The following NTM variants were observed in gnomAD, a reference collection of about 807,000 sequenced individuals.
NTM encodes the protein IgLON family member 2.
A neutral mutation model predicts 42.1 loss-of-function variants in NTM; 13 were observed. The observed-to-expected ratio is 0.31, with a 90% CI of 0.20 to 0.49. NTM has a LOEUF of 0.49. Among genes scored for constraint, NTM ranks in the 20% least tolerant of loss-of-function variants. The probability of loss-of-function intolerance (pLI) is 0.99; values close to 1 mark genes in which losing one functional copy is unlikely to be tolerated. For synonymous variants in NTM, 187 were observed against 179.2 expected, an observed-to-expected ratio of 1.04 and a Z score of -0.35; for missense variants, 373 against 452.8, an observed-to-expected ratio of 0.82 and a Z score of 1.60.
intron 1 of NTM, among the ~76,000 whole-genome samples, chr11:131,738,696 T>A (rs1156988663): frequency 6.6e-6 from 1 of 152,230 alleles, no homozygotes; most frequent in East Asian, 1.9e-4. Context: ...CAGGTGGACA[T>A]CTATGCTTTG....
In NTM at chr11:131,473,309, C is replaced by T. The variant is rs7952407; in HGVS notation, c.82+102421C>T. Among the ~76,000 whole-genome samples, 696 of 152,154 alleles carry T rather than the reference C, an allele frequency of 4.6e-3. 4 individuals are homozygous for T. Among genetic ancestry groups the T allele is most frequent in the African/African-American group, 0.016 (669 of 41,520 alleles). ...AGCTCCATGTCCAAACACAAATCTC[C>T]CATGCTTTGACAACTGCTCCAAGAG... On this transcript the variant is annotated intron_variant, in intron 1 of 8. Coordinates refer to ENST00000683400, the MANE Select transcript of NTM (RefSeq NM_001352005.2).
At chr11:131,807,683 C>T (rs1273440901) in intron 1 of NTM, among the ~76,000 whole-genome samples, 1 of 152,138 alleles carries the variant, frequency 6.6e-6, no homozygotes, top group African/African-American at 2.4e-5. Flanking sequence ...ACACAGAAGG[C>T]AAGTCTCACC....
chr11:132,003,771 C>A lies in NTM; in HGVS notation c.167+92123C>A, dbSNP rs1280678791. Among the ~76,000 whole-genome samples, 3 of 152,180 alleles carry A rather than the reference C, an allele frequency of 2.0e-5. No homozygotes were observed. In the East Asian group the frequency reaches 5.8e-4, roughly 29 times the overall value. ...CTCCTTGGAATCTACACAGAGAAAT[C>A]CCTGAGCTTTACTTTTTCTGGACCT... is the stretch of plus-strand genomic sequence containing the variant. On this transcript the variant is annotated intron_variant, in intron 2 of 8. Transcript: ENST00000683400. This position sits in a 1 kb window ranked among gnomAD's most constrained non-coding sequence, Gnocchi z 6.0.
At chr11:132,069,262 C>A (rs2057018624) in intron 2 of NTM, among the ~76,000 whole-genome samples, 1 of 149,828 alleles carries the variant, frequency 6.7e-6, no homozygotes, top group East Asian at 2.0e-4. Flanking sequence ...CACTGACCAT[C>A]ACAGATTAGT....
chr11:131,763,737 G>A (rs1483223937), intron 1 of NTM, among the ~76,000 whole-genome samples: 2 of 47,970 alleles, frequency 4.2e-5, no homozygotes, highest in Non-Finnish European at 8.8e-5. Flanking sequence ...TTTTTTTTTG[G>A]CATTGCTTAA....
At chr11:131,375,467 G>A (rs993424571) in intron 1 of NTM, among the ~76,000 whole-genome samples, 1 of 152,190 alleles carries the variant, frequency 6.6e-6, no homozygotes, top group Non-Finnish European at 1.5e-5. Context: ...AGGGTCAAAG[G>A]GTACCATCCT....
chr11:131,920,536 A>G (rs2057068961), intron 2 of NTM, among the ~76,000 whole-genome samples: 1 of 152,250 alleles, frequency 6.6e-6, no homozygotes, highest in Admixed American at 6.5e-5. Context: ...GTTTAAATGT[A>G]GTGAACTATG....
At chr11:131,567,700 G>A (rs1053907900) in intron 1 of NTM, among the ~76,000 whole-genome samples, 2 of 152,198 alleles carry the variant, frequency 1.3e-5, no homozygotes, top group Non-Finnish European at 2.9e-5. Context: ...GGAAGTATGA[G>A]CCTGCATCAG....
At chr11:132,070,899 C>A (rs1472230523) in intron 2 of NTM, among the ~76,000 whole-genome samples, 352 of 101,034 alleles carry the variant, frequency 3.5e-3, no homozygotes, top group Non-Finnish European at 5.0e-3. Context: ...TAACACGTCA[C>A]ACTGACCGTC....
chr11:132,056,443 T>A (rs1360699528), intron 2 of NTM, among the ~76,000 whole-genome samples: 1 of 152,232 alleles, frequency 6.6e-6, no homozygotes, highest in Non-Finnish European at 1.5e-5. Flanking sequence ...GCATAGATCA[T>A]CTGCCATATC....
chr11:131,862,095 T>C (rs2046695760), intron 1 of NTM, among the ~76,000 whole-genome samples: 1 of 152,178 alleles, frequency 6.6e-6, no homozygotes. Context: ...AGGATCTTTG[T>C]GGGCAGAGCA....
chr11:132,091,721 G>T (rs4937671), intron 2 of NTM, among the ~76,000 whole-genome samples: 1 of 151,758 alleles, frequency 6.6e-6, no homozygotes, highest in African/African-American at 2.4e-5. Flanking sequence ...GGCTCAAGCA[G>T]TCCTCCTGCC....
At chr11:132,230,586 C>T (rs527257232) in intron 4 of NTM, among the ~76,000 whole-genome samples, 140 of 152,362 alleles carry the variant, frequency 9.2e-4, no homozygotes, top group Non-Finnish European at 1.8e-3. Context: ...TCCAAGCAGC[C>T]GCGCCTTGCG....
chr11:131,842,953 G>A (rs1386262065), intron 1 of NTM, among the ~76,000 whole-genome samples: 1 of 152,120 alleles, frequency 6.6e-6, no homozygotes, highest in Non-Finnish European at 1.5e-5. Context: ...AGGGGTTACA[G>A]TGAGCCAAGA....
intron 1 of NTM, among the ~76,000 whole-genome samples, chr11:131,607,322 T>C (rs2061054888): frequency 6.6e-6 from 1 of 152,218 alleles, no homozygotes; most frequent in Non-Finnish European, 1.5e-5. Context: ...CCCATGCCTC[T>C]CTGCTGTTTT....
chr11:131,668,877 GTTA>G (rs2069587565), intron 1 of NTM, among the ~76,000 whole-genome samples: 1 of 152,170 alleles, frequency 6.6e-6, no homozygotes, highest in Admixed American at 6.5e-5. Context: ...ATCTATCCCA[GTTA>G]TTATGAGGCA....
At chr11:132,070,229 A>G (rs1226302786) in intron 2 of NTM, among the ~76,000 whole-genome samples, 2 of 127,890 alleles carry the variant, frequency 1.6e-5, no homozygotes, top group African/African-American at 3.1e-5. Flanking sequence ...CAGGTTAGTT[A>G]ACACGTCACA....
chr11:131,613,081 T>C (rs2061595901), intron 1 of NTM, among the ~76,000 whole-genome samples: 1 of 152,260 alleles, frequency 6.6e-6, no homozygotes, highest in African/African-American at 2.4e-5. Flanking sequence ...GTCCTCCTCA[T>C]TCAAGCTTCT....
At chr11:131,865,047 T>A (rs1217105000) in intron 1 of NTM, among the ~76,000 whole-genome samples, 1 of 152,196 alleles carries the variant, frequency 6.6e-6, no homozygotes, top group Non-Finnish European at 1.5e-5. Flanking sequence ...GGAACCTGCC[T>A]CAAGTTGCCC....
Sources: allele counts gnomAD v4.1 joint callset (sites outside exome capture counted in the v4.1 genomes callset), GRCh38; gene constraint gnomAD v4.1.1; non-coding constraint Gnocchi (gnomAD v3.1); transcripts MANE v1.5; gene names NCBI Gene and HGNC (gene_info 2026-07-23, HGNC 2026-07-21).